The following DNAJC13 variants were observed in gnomAD, a reference collection of about 807,000 sequenced individuals.
The protein encoded by DNAJC13 is dnaJ homolog subfamily C member 13.
A neutral mutation model predicts 290.5 loss-of-function variants in DNAJC13; 75 were observed. The observed-to-expected ratio is 0.26, with a 90% CI of 0.21 to 0.31. DNAJC13 has a LOEUF of 0.31. Ranked by LOEUF, DNAJC13 falls within the 10% of genes least tolerant of loss-of-function variation. The pLI, the probability that DNAJC13 is intolerant of heterozygous loss-of-function variation, is 1.00. For missense variants in DNAJC13, 2,260 were observed against 2,674.5 expected, an observed-to-expected ratio of 0.85 and a Z score of 3.42; for synonymous variants, 862 against 892.0, an observed-to-expected ratio of 0.97 and a Z score of 0.60.
chr3:132,482,228 C>T lies in DNAJC13; in HGVS notation c.2877C>T (p.Ser959=), dbSNP rs771171766. ...HVSRATVPLQ[S]NVIEAAPDMK... is the part of the protein sequence containing the mutation. ...ATTTAAATCTTTTTTAAACTTAGAGCAATGTAATTGAAGCTGCTCCAGATA... is the reference window on the plus strand; with the variant it reads ...ATTTAAATCTTTTTTAAACTTAGAGTAATGTAATTGAAGCTGCTCCAGATA... Residue 959 remains serine (S), a splice_region_variant and synonymous_variant, in exon 27 of 56, where the codon AGC becomes AGT. Transcript: ENST00000260818. 5.0e-6 allele frequency: 8 copies of T among 1,608,576 alleles called. No homozygotes were observed. Among genetic ancestry groups the T allele is most frequent in the Non-Finnish European group, 6.8e-6 (8 of 1,177,432 alleles).
chr3:132,446,446 T>G, intron 2 of DNAJC13, 29 bp from the exon 3 acceptor site: 1 of 1,552,218 alleles, frequency 6.4e-7, no homozygotes, highest in Non-Finnish European at 8.8e-7. Flanking sequence ...TGTTTAAAAC[T>G]AAATTTAAGC....
chr3:132,459,850 C>T (rs747308917), intron 13 of DNAJC13, among the ~76,000 whole-genome samples: 8 of 152,104 alleles, frequency 5.3e-5, no homozygotes, highest in Admixed American at 1.3e-4. Context: ...CTAACCATCA[C>T]GCTGGAATGT....
chr3:132,417,935 T>C (rs1462439208), intron 1 of DNAJC13, among the ~76,000 whole-genome samples, 175 bp downstream of exon 1: 1 of 152,178 alleles, frequency 6.6e-6, no homozygotes, highest in Non-Finnish European at 1.5e-5. Context: ...TTCCTTTCGT[T>C]GGACGCCCCC....
intron 54 of DNAJC13, among the ~76,000 whole-genome samples, chr3:132,529,513 C>G (rs1031039138): frequency 1.3e-5 from 2 of 152,126 alleles, no homozygotes; most frequent in Non-Finnish European, 2.9e-5. Flanking sequence ...TTAGGCTGGG[C>G]GCGGTGGCTC....
In DNAJC13 at chr3:132,516,777, T is replaced by G. The variant is rs1469126152; in HGVS notation, c.5634T>G (p.Leu1878=). 2 of 1,613,458 alleles carry G rather than the reference T, an allele frequency of 1.2e-6. No homozygotes were observed. The highest frequency in any genetic ancestry group is 4.5e-5 in the East Asian group (2 of 44,850). Residue 1878 remains leucine (L), a synonymous_variant, in exon 48 of 56, where the codon CTT becomes CTG. Coordinates refer to ENST00000260818, the MANE Select transcript of DNAJC13 (RefSeq NM_015268.4). The stretch of plus-strand genomic sequence containing the variant: ...AGGTTCGAGCCCAAACAGCAGAACT[T>G]TTTGCCAAAATGACAGCAGATAAAC... The part of the protein sequence containing the change: ...HPQVRAQTAE[L]FAKMTADKLI...
intron 18 of DNAJC13, 102 bp downstream of exon 18, chr3:132,466,172 T>A: frequency 1.4e-6 from 2 of 1,390,096 alleles, no homozygotes; most frequent in South Asian, 1.2e-5. Flanking sequence ...TATTGAAAAG[T>A]TATTTATCAT....
chr3:132,534,349 T>G (rs1426538343), intron 55 of DNAJC13, among the ~76,000 whole-genome samples: 2 of 152,220 alleles, frequency 1.3e-5, no homozygotes, highest in African/African-American at 4.8e-5. Flanking sequence ...TCAGCTCTAG[T>G]CTGTCCTATT....
At chr3:132,470,884 C>G (rs1265609718) in intron 20 of DNAJC13, among the ~76,000 whole-genome samples, 1 of 120,304 alleles carries the variant, frequency 8.3e-6, no homozygotes. Context: ...GCCGGCCGGG[C>G]GGGGGGCTGA....
chr3:132,424,157 A>G (rs909614890), intron 1 of DNAJC13, among the ~76,000 whole-genome samples: 5 of 152,186 alleles, frequency 3.3e-5, no homozygotes, highest in African/African-American at 1.2e-4. Flanking sequence ...GCATTGCTTA[A>G]GTGAACATGT....
intron 1 of DNAJC13, among the ~76,000 whole-genome samples, chr3:132,421,012 A>G (rs1938943979): frequency 6.6e-6 from 1 of 152,264 alleles, no homozygotes. Flanking sequence ...AAATACTATA[A>G]TAATGACATT....
chr3:132,485,730 G>A (rs1277646352), intron 29 of DNAJC13, among the ~76,000 whole-genome samples: 3 of 152,140 alleles, frequency 2.0e-5, no homozygotes, highest in Admixed American at 6.5e-5. Flanking sequence ...ACTATTCTTA[G>A]TTATGTTTTC....
At chr3:132,430,283 A>G (rs1939206622) in intron 1 of DNAJC13, among the ~76,000 whole-genome samples, 1 of 152,046 alleles carries the variant, frequency 6.6e-6, no homozygotes, top group Non-Finnish European at 1.5e-5. Flanking sequence ...AGTGGTACCT[A>G]TGAGGTCATT....
rs1933598047 is a variant in DNAJC13, at chr3:132,456,374, C to T, written c.1072C>T (p.His358Tyr). ...TGTTGATGAGGAAGTAGAGAGCCTT[C>T]ACCTCAGGTTCTTAGCTACGCCTCC... is the stretch of plus-strand genomic sequence containing the variant. The part of the protein sequence containing the change: ...MPVDEEVESL[H>Y]LRFLATPPNG... The change falls in exon 10 of 56, where the codon CAC becomes TAC. Residue 358 changes from histidine (H) to tyrosine (Y), a missense_variant. Physicochemically the swap from His to Tyr is moderately conservative, Grantham distance 83 (BLOSUM62 2). This residue lies in a region of DNAJC13 where 762 missense variants were observed against 964.1 expected (regional missense o/e 0.79). Coordinates refer to ENST00000260818, the MANE Select transcript of DNAJC13 (RefSeq NM_015268.4). 1 of 1,613,650 alleles carries T rather than the reference C, an allele frequency of 6.2e-7. No individual in the cohort carries two copies.
Position 132,461,882 on chromosome 3 carries a change from G to A in DNAJC13, c.1714-585G>A, listed in dbSNP as rs550930722. On this transcript the variant is annotated intron_variant, in intron 15 of 55. Coordinates refer to ENST00000260818, the MANE Select transcript of DNAJC13 (RefSeq NM_015268.4). ...ATTTATTTATTTGTTTTGTAGAGAC[G>A]GGGTCTCCCTTTGTTGCCCAGGCTG... Among the ~76,000 whole-genome samples the A allele has an allele frequency of 2.6e-4, 40 of 151,860 alleles. 1 individual carries two copies. Among genetic ancestry groups the A allele is most frequent in the Admixed American group, 8.5e-4 (13 of 15,208 alleles).
chr3:132,522,440 C>T (rs73217912), intron 48 of DNAJC13, among the ~76,000 whole-genome samples: 1 of 152,042 alleles, frequency 6.6e-6, no homozygotes, highest in Non-Finnish European at 1.5e-5. Context: ...TGGGCAGGGG[C>T]TATAAAAGAG....
intron 38 of DNAJC13, 119 bp downstream of exon 38, chr3:132,499,927 C>T: frequency 1.2e-6 from 1 of 864,114 alleles, no homozygotes; most frequent in Non-Finnish European, 1.8e-6. Context: ...TCCACCCCAC[C>T]CCAAGTTTCT....
intron 47 of DNAJC13, 93 bp downstream of exon 47, chr3:132,516,589 C>G: frequency 6.5e-7 from 1 of 1,531,690 alleles, no homozygotes. Context: ...TAGAAGAATG[C>G]TTTGGAATGT....
Position 132,494,049 on chromosome 3 carries a change from C to T in DNAJC13, c.3826-95C>T. 12 of 831,462 alleles carry T rather than the reference C, an allele frequency of 1.4e-5. No individual in the cohort carries two copies. In the South Asian group the frequency reaches 2.3e-4, roughly 16 times the overall value. 51.5% of individuals were successfully genotyped at this position (831,462 alleles called of 1,614,324 possible). ...TGTTAATTGGACAGCTAAAAGTATC[C>T]ATTTAAATAAATACAGCACAATAAT... On this transcript the variant is annotated intron_variant, in intron 33 of 55. Transcript: ENST00000260818.
chr3:132,472,142 A>G, intron 20 of DNAJC13, among the ~76,000 whole-genome samples: 2 of 146,944 alleles, frequency 1.4e-5, no homozygotes. Context: ...AGGCTGAGGC[A>G]GGAGAATCAG....
Sources: gnomAD v4.1 joint callset for allele counts (sites outside exome capture counted in the v4.1 genomes callset) on GRCh38, gnomAD v4.1.1 for gene constraint, gnomAD v4.1.1 regional missense constraint, MANE v1.5 for transcripts, NCBI Gene and HGNC (gene_info 2026-07-23, HGNC 2026-07-21) for gene names.